Variants in ZNF780A observed in about 807,000 individuals in gnomAD.
The protein encoded by ZNF780A is zinc finger protein 780A.
ZNF780A carries 40 observed loss-of-function variants against 56.7 expected under a neutral mutation model. The ratio of observed to expected loss-of-function variants is 0.71; its 90% CI spans 0.55 to 0.92. The LOEUF is 0.92. Among genes scored for constraint, ZNF780A ranks in the 40% least tolerant of loss-of-function variants. The probability of loss-of-function intolerance (pLI) is 0.00; values close to 1 mark genes in which losing one functional copy is unlikely to be tolerated. For synonymous variants in ZNF780A, 231 were observed against 248.3 expected (o/e 0.93, Z 0.66); for missense variants, 672 against 783.3 (o/e 0.86, Z 1.70).
At chr19:40,078,369 T>G (rs1974278672) in intron 5 of ZNF780A, among the ~76,000 whole-genome samples, 1 of 152,134 alleles carries the variant, frequency 6.6e-6, no homozygotes. Context: ...AAAGAAAATC[T>G]ATTTAATGAA....
intron 4 of ZNF780A, among the ~76,000 whole-genome samples, chr19:40,082,410 C>T: frequency 6.6e-6 from 1 of 152,082 alleles, no homozygotes. Context: ...ATTTTGCATC[C>T]TTAGACATTT....
intron 2 of ZNF780A, among the ~76,000 whole-genome samples, chr19:40,089,743 G>A (rs1975037124): frequency 6.6e-6 from 1 of 152,026 alleles, no homozygotes; most frequent in Admixed American, 6.6e-5. Flanking sequence ...GAAAAATCCT[G>A]GCTCTTGTTG....
At chr19:40,076,278 T>C (rs1216545903) in intron 5 of ZNF780A, 69 bp from the exon 6 acceptor site, 9 of 1,426,828 alleles carry the variant, frequency 6.3e-6, no homozygotes, top group Non-Finnish European at 7.5e-6. Flanking sequence ...AGTCCTTTTG[T>C]CAACTGAAAC....
intron 2 of ZNF780A, among the ~76,000 whole-genome samples, chr19:40,086,024 C>G (rs1974780045): frequency 6.6e-6 from 1 of 151,434 alleles, no homozygotes; most frequent in Non-Finnish European, 1.5e-5. Context: ...GTATGCATCT[C>G]TATATATGGA....
intron 3 of ZNF780A, among the ~76,000 whole-genome samples, chr19:40,083,893 A>AT (rs1423950056): frequency 2.0e-5 from 3 of 151,202 alleles, no homozygotes; most frequent in Non-Finnish European, 4.4e-5. Context: ...AATTCTGAGA[A>AT]TTTTTTATTT....
chr19:40,090,082 A>T (rs1411600075), intron 2 of ZNF780A, 84 bp downstream of exon 2: 3 of 152,166 alleles, frequency 2.0e-5, no homozygotes, highest in Non-Finnish European at 4.4e-5. Context: ...ATATCCCCCT[A>T]GTTTCACTGA....
Position 40,074,818 on chromosome 19 carries a change from A to C in ZNF780A, c.1624T>G (p.Ser542Ala), listed in dbSNP as rs770002320. ...KECGKFFRRG[S>A]NLNQHRSIHT... ...ATACTTCGATGTTGATTAAGATTTGAACCACGACGAAAGAATTTCCCACAT... is the reference window on the plus strand; with the variant it reads ...ATACTTCGATGTTGATTAAGATTTGCACCACGACGAAAGAATTTCCCACAT... The change falls in exon 6 of 6, where the codon TCA becomes GCA. Residue 542 changes from serine to alanine, a missense_variant. Transcript: ENST00000683561. The C allele has an allele frequency of 6.2e-6, 10 of 1,613,992 alleles. No individual in the cohort carries two copies. The South Asian group carries it at 1.1e-4, about 18-fold the overall frequency.
chr19:40,089,354 C>T (rs2144986245), intron 2 of ZNF780A: 3 of 1,283,660 alleles, frequency 2.3e-6, no homozygotes, highest in Non-Finnish European at 1.0e-6. Flanking sequence ...GAGCCCCTCA[C>T]TCATTTTCTT....
intron 5 of ZNF780A, among the ~76,000 whole-genome samples, chr19:40,079,695 A>C (rs564321935): frequency 2.6e-5 from 4 of 152,302 alleles, no homozygotes; most frequent in African/African-American, 7.2e-5. Context: ...GAAACTGTAC[A>C]ACACATGAAA....
chr19:40,076,340 A>T, intron 5 of ZNF780A, 131 bp from the exon 6 acceptor site: 2 of 920,498 alleles, frequency 2.2e-6, no homozygotes, highest in Non-Finnish European at 3.1e-6. Flanking sequence ...CAAAACCAAC[A>T]AAGTTGGTAG....
chr19:40,074,996 G>A lies in ZNF780A; in HGVS notation c.1446C>T (p.Phe482=). ...GTTGAACAAGGCTTGAGCCACGATT[G>A]AAGGCCTTCCCACAGTCTTGACATT... ...PFECQDCGKA[F]NRGSSLVQHQ... Residue 482 remains phenylalanine (F), a synonymous_variant, in exon 6 of 6, where the codon TTC becomes TTT. Coordinates refer to ENST00000683561, the MANE Select transcript of ZNF780A (RefSeq NM_001142578.2). The A allele has an allele frequency of 3.7e-6, 6 of 1,613,486 alleles. No individual in the cohort carries two copies. The highest frequency in any genetic ancestry group is 2.2e-5 in the South Asian group (2 of 91,026).
intron 4 of ZNF780A, among the ~76,000 whole-genome samples, 197 bp from the exon 5 acceptor site, chr19:40,082,111 A>T (rs1568453915): frequency 6.6e-6 from 1 of 152,126 alleles, no homozygotes; most frequent in Non-Finnish European, 1.5e-5. Flanking sequence ...ATTTAAACTC[A>T]GAATCTTATC....
At chr19:40,088,779 G>T (rs1360908169) in intron 2 of ZNF780A, among the ~76,000 whole-genome samples, 1 of 152,128 alleles carries the variant, frequency 6.6e-6, no homozygotes, top group African/African-American at 2.4e-5. Flanking sequence ...AATGGATAAA[G>T]AAAATGTGGT....
chr19:40,071,818 C>T (rs749814855), downstream of ZNF780A: 1 of 152,514 alleles, frequency 6.6e-6, no homozygotes, highest in Non-Finnish European at 1.5e-5. Context: ...CTCAAATTCC[C>T]TTGTACAGAA....
chr19:40,084,863 T>C, intron 2 of ZNF780A, 65 bp from the exon 3 acceptor site: 1 of 1,522,750 alleles, frequency 6.6e-7, no homozygotes, highest in East Asian at 2.5e-5. Context: ...ATAACTATTT[T>C]ATCCTCCGTT....
intron 2 of ZNF780A, chr19:40,085,384 T>C (rs887207727): frequency 1.0e-6 from 1 of 976,870 alleles, no homozygotes; most frequent in Non-Finnish European, 1.2e-6. Flanking sequence ...ACAAAGTAAA[T>C]ATTAAACGTT....
At chr19:40,073,025 G>A (rs759549817), downstream of ZNF780A, 27 of 1,506,018 alleles carry the variant, frequency 1.8e-5, no homozygotes, top group South Asian at 9.3e-5. Flanking sequence ...TTTCCTTAAC[G>A]GTAATTATGG....
At chr19:40,085,819 G>A (rs1974760893) in intron 2 of ZNF780A, among the ~76,000 whole-genome samples, 2 of 152,104 alleles carry the variant, frequency 1.3e-5, no homozygotes, top group South Asian at 2.1e-4. Context: ...GGCGGAGGTT[G>A]CAGTAAGCTG....
rs117117463 is a variant in ZNF780A, at chr19:40,077,076, A to G, written c.233-867T>C. On this transcript the variant is annotated intron_variant, in intron 5 of 5. Transcript: ENST00000683561. Reference sequence around the variant, plus strand: ...CACTGCCAGCACTATCCAAACTACGAGGAGGCCAAAGAATCAACGTGCCTA... The same window carrying G: ...CACTGCCAGCACTATCCAAACTACGGGGAGGCCAAAGAATCAACGTGCCTA... Among the ~76,000 whole-genome samples, 1,012 of 152,190 alleles carry G rather than the reference A, an allele frequency of 6.6e-3. 5 individuals carry two copies. Among genetic ancestry groups the G allele is most frequent in the Non-Finnish European group, 0.012 (791 of 67,996 alleles).
Sources: gnomAD v4.1 joint callset for allele counts (sites outside exome capture counted in the v4.1 genomes callset) on GRCh38, gnomAD v4.1.1 for gene constraint, MANE v1.5 for transcripts, NCBI Gene and HGNC (gene_info 2026-07-23, HGNC 2026-07-21) for gene names.